The following ADCY3 variants were observed in gnomAD, a reference collection of about 807,000 sequenced individuals.
ADCY3 encodes adenylate cyclase type 3.
In ADCY3, 70 loss-of-function variants were observed where a neutral mutation model predicts 119.4. The observed-to-expected ratio is 0.59, with a 90% CI of 0.48 to 0.72. The LOEUF is 0.72. ADCY3 is among the 30% of genes least tolerant of loss of function. The pLI is 0.00. For synonymous variants in ADCY3, 672 were observed against 621.4 expected (o/e 1.08, Z -1.21); for missense variants, 1,238 against 1,541.6 (o/e 0.80, Z 3.30).
rs190966663 is a variant in ADCY3 at position 24,834,823 on chromosome 2, C to A, written c.1776G>T (p.Glu592Asp). Residue 592 changes from glutamate to aspartate, a missense_variant, in exon 10 of 22, where the codon GAG becomes GAT. This residue lies in a region of ADCY3 where 499 missense variants were observed against 571.0 expected (regional missense o/e 0.87). Transcript: ENST00000679454. The surrounding 1 kb of genome is among the most constrained non-coding windows in gnomAD (Gnocchi z 4.2). The stretch of plus-strand genomic sequence containing the variant: ...GGGCGGACTCTCGCTCAAGCAGGGC[C>A]TCGTTGAGCAGCTGGTTGAGCTCGT... Reference protein sequence around the residue: ...DEHELNQLLNEALLERESAQV... With the variant: ...DEHELNQLLNDALLERESAQV... The A allele has an allele frequency of 6.2e-7, 1 of 1,613,912 alleles. No homozygotes were observed. The highest frequency in any genetic ancestry group is 1.7e-5 in the Admixed American group (1 of 60,028).
chr2:24,821,332 T>C, intron 20 of ADCY3, 185 bp downstream of exon 20: 1 of 794,116 alleles, frequency 1.3e-6, no homozygotes, highest in Non-Finnish European at 2.0e-6. Context: ...CAGCTGGGTT[T>C]TTGGTTTAGT....
chr2:24,876,672 G>A (rs1675749806), intron 2 of ADCY3, among the ~76,000 whole-genome samples: 1 of 152,182 alleles, frequency 6.6e-6, no homozygotes, highest in Admixed American at 6.5e-5. Context: ...GCCGCAGGAA[G>A]AACTTGATGC....
chr2:24,830,729 T>G lies in ADCY3; in HGVS notation c.2152A>C (p.Met718Leu). The G allele has an allele frequency of 6.2e-7, 1 of 1,614,004 alleles. No homozygotes were observed. Among genetic ancestry groups the G allele is most frequent in the Non-Finnish European group, 8.5e-7 (1 of 1,179,972 alleles). ...WAMLAIFILV[M>L]ANVVDMLSCL... ...CTCACCATGTCCACGACATTTGCCATCACCAGGATGAAGATGGCGAGCATG... is the reference window on the plus strand; with the variant it reads ...CTCACCATGTCCACGACATTTGCCAGCACCAGGATGAAGATGGCGAGCATG... The change falls in exon 13 of 22, where the codon ATG becomes CTG. Residue 718 changes from methionine (M) to leucine (L), a missense_variant. Met to Leu is a conservative substitution (Grantham distance 15). This residue lies in a region of ADCY3 where 499 missense variants were observed against 571.0 expected (regional missense o/e 0.87). Coordinates refer to ENST00000679454, the MANE Select transcript of ADCY3 (RefSeq NM_004036.5).
chr2:24,876,147 T>C (rs2148839688), intron 2 of ADCY3, among the ~76,000 whole-genome samples: 2 of 152,198 alleles, frequency 1.3e-5, no homozygotes, highest in East Asian at 3.9e-4. Flanking sequence ...TGCACATCAC[T>C]TGTCCCAGCT....
rs1672750641 is a variant in ADCY3 at position 24,854,298 on chromosome 2, G to A, written c.826-11914C>T. 2.0e-5 allele frequency among the ~76,000 whole-genome samples: 3 copies of A among 152,242 alleles called. No homozygotes were observed. In the South Asian group the frequency reaches 6.2e-4, roughly 31 times the overall value. ...TGGCTTTGCTGAAGAAACAAAGCAT[G>A]TTTAAAATCAGAACATCTGTCAGAG... On this transcript the variant is annotated intron_variant, in intron 3 of 21. Coordinates refer to ENST00000679454, the MANE Select transcript of ADCY3 (RefSeq NM_004036.5).
intron 2 of ADCY3, among the ~76,000 whole-genome samples, chr2:24,904,727 T>A (rs1297096882): frequency 6.6e-6 from 1 of 151,406 alleles, no homozygotes; most frequent in Non-Finnish European, 1.5e-5. Context: ...TTGCAACCTC[T>A]GCCTCCTGGG....
chr2:24,898,162 C>A lies in ADCY3; in HGVS notation c.675+20151G>T, dbSNP rs1678498113. Among the ~76,000 whole-genome samples, 1 of 152,176 alleles carries A rather than the reference C, an allele frequency of 6.6e-6. No individual in the cohort carries two copies. Among genetic ancestry groups the A allele is most frequent in the Non-Finnish European group, 1.5e-5 (1 of 68,022 alleles). On this transcript the variant is annotated intron_variant, in intron 2 of 21. Coordinates refer to ENST00000679454, the MANE Select transcript of ADCY3 (RefSeq NM_004036.5). The surrounding 1 kb of genome is among the most constrained non-coding windows in gnomAD (Gnocchi z 4.3). Reference sequence around the variant, plus strand: ...CTTTGTTCACAAGCCACTGCCACTGCCCCTCCCCTACTGACCTCAGGATCG... The same window carrying A: ...CTTTGTTCACAAGCCACTGCCACTGACCCTCCCCTACTGACCTCAGGATCG...
rs3222240 is a variant in ADCY3, at chr2:24,865,489, CTGTGTGTGTGTGTGTGTG to C, written c.825+7063_825+7080del. ...TACAAAAGAGTGAATAGGCTATCAT[CTGTGTGTGTGTGTGTGTG>C]TGTGTGTGTGTGTGTGTGTGTGTGT... is the stretch of plus-strand genomic sequence containing the variant. On this transcript the variant is annotated intron_variant, in intron 3 of 21. Transcript: ENST00000679454. 1.8e-3 allele frequency among the ~76,000 whole-genome samples: 256 copies of C among 140,528 alleles called. 4 individuals carry two copies. The highest frequency in any genetic ancestry group is 5.3e-3 in the African/African-American group (205 of 38,878). 92.2% of individuals were successfully genotyped at this position (140,528 alleles called of 152,430 possible). A position where few individuals can be genotyped will look rare whatever the true frequency, so the allele number is the denominator to read the frequency against.
intron 2 of ADCY3, among the ~76,000 whole-genome samples, chr2:24,904,710 C>T (rs571391555): frequency 4.0e-5 from 6 of 151,844 alleles, no homozygotes; most frequent in Admixed American, 2.6e-4. Context: ...GGCACAATCT[C>T]GGCTCATTGC....
chr2:24,887,858 C>T (rs1572996937), intron 2 of ADCY3, among the ~76,000 whole-genome samples: 2 of 152,256 alleles, frequency 1.3e-5, no homozygotes, highest in East Asian at 3.9e-4. Flanking sequence ...TGTAAAGAGC[C>T]CAGCATCAGA....
At chr2:24,827,512 AGT>A (rs1281365941) in intron 15 of ADCY3, 32 bp downstream of exon 15, 5 of 1,564,758 alleles carry the variant, frequency 3.2e-6, no homozygotes, top group Non-Finnish European at 4.3e-6. Flanking sequence ...AAGGGCTGTG[AGT>A]GCAGGCCAGG....
Position 24,839,853 on chromosome 2 carries a change from C to A in ADCY3, c.1355+20G>T. 6.2e-7 allele frequency: 1 copy of A among 1,613,630 alleles called. No homozygotes were observed. On this transcript the variant is annotated intron_variant, in intron 7 of 21. Coordinates refer to ENST00000679454, the MANE Select transcript of ADCY3 (RefSeq NM_004036.5). ...TCCCCTCCCCAGTCCTCAAACCTGC[C>A]CCCTTGGAATGGCACTCACCCAGGG...
intron 17 of ADCY3, 27 bp from the exon 18 acceptor site, chr2:24,823,382 C>G: frequency 1.2e-6 from 2 of 1,605,654 alleles, no homozygotes; most frequent in Non-Finnish European, 1.7e-6. Context: ...ACAACGTGCT[C>G]AAAGCATGTC....
chr2:24,877,170 C>T (rs1675818077), intron 2 of ADCY3, among the ~76,000 whole-genome samples: 1 of 152,224 alleles, frequency 6.6e-6, no homozygotes, highest in Non-Finnish European at 1.5e-5. Flanking sequence ...GGGCACTGTC[C>T]TCACATCTGT....
chr2:24,827,452 G>A lies in ADCY3; in HGVS notation c.2495+94C>T, dbSNP rs113953379. 241 of 1,406,770 alleles carry A rather than the reference G, an allele frequency of 1.7e-4. 1 individual carries two copies. In the African/African-American group the frequency reaches 2.9e-3, roughly 17 times the overall value. The allele number at this position is 1,406,770 out of a possible 1,614,324, so 87.1% of individuals were successfully genotyped here. A position where few individuals can be genotyped will look rare whatever the true frequency, so the allele number is the denominator to read the frequency against. On this transcript the variant is annotated intron_variant, in intron 15 of 21. Coordinates refer to ENST00000679454, the MANE Select transcript of ADCY3 (RefSeq NM_004036.5). ...CACGTATCAGGTCACGTGCCTCCCG[G>A]GAGGGTGAGATCCCGGGGCTTGGGC...
rs1274972048 is a variant in ADCY3, at chr2:24,834,903, T to C, written c.1696A>G (p.Arg566Gly). 6.2e-7 allele frequency: 1 copy of C among 1,613,660 alleles called. No homozygotes were observed. Among genetic ancestry groups the C allele is most frequent in the Non-Finnish European group, 8.5e-7 (1 of 1,179,954 alleles). ...TCAGCCAGGTCCTGCAGGCGCAGCC[T>C]CCGGCGTGGGTTGGGGAATGAGGGG... ...DNPSFPNPRR[R>G]LRLQDLADRV... Residue 566 changes from arginine to glycine, a missense_variant, in exon 10 of 22, where the codon AGG (arginine) becomes GGG (glycine). This residue lies in a region of ADCY3 where 499 missense variants were observed against 571.0 expected (regional missense o/e 0.87). Coordinates refer to ENST00000679454, the MANE Select transcript of ADCY3 (RefSeq NM_004036.5). This position sits in a 1 kb window ranked among gnomAD's most constrained non-coding sequence, Gnocchi z 4.2.
At chr2:24,853,000 T>TGGAG (rs1672523372) in intron 3 of ADCY3, among the ~76,000 whole-genome samples, 1 of 130,860 alleles carries the variant, frequency 7.6e-6, no homozygotes, top group South Asian at 2.5e-4. Context: ...AAGGAACAGC[T>TGGAG]GGAGGGTGTG....
At chr2:24,823,164 T>TG in intron 18 of ADCY3, 45 bp downstream of exon 18, 2 of 1,584,710 alleles carry the variant, frequency 1.3e-6, no homozygotes, top group Non-Finnish European at 1.7e-6. Flanking sequence ...TGATGTGGAA[T>TG]GGGCCGGCTT....
intron 2 of ADCY3, among the ~76,000 whole-genome samples, chr2:24,877,691 CAGGAG>C (rs748817950): frequency 1.3e-5 from 2 of 152,222 alleles, no homozygotes; most frequent in Non-Finnish European, 2.9e-5. Flanking sequence ...GAGTGGCACA[CAGGAG>C]ACTCCTCCCT....
Sources: gnomAD v4.1 joint callset for allele counts (sites outside exome capture counted in the v4.1 genomes callset) on GRCh38, gnomAD v4.1.1 for gene constraint, gnomAD v4.1.1 regional missense constraint, Gnocchi (gnomAD v3.1) non-coding constraint, MANE v1.5 for transcripts, NCBI Gene and HGNC (gene_info 2026-07-23, HGNC 2026-07-21) for gene names.